Variants in SIK3 observed in about 807,000 individuals in gnomAD.
SIK3 encodes the protein SIK family kinase 3, also known as serine/threonine-protein kinase SIK3.
SIK3 carries 28 observed loss-of-function variants against 144.2 expected under a neutral mutation model. That is an observed-to-expected ratio of 0.19 (90% CI 0.14 to 0.27). The LOEUF (loss-of-function observed/expected upper bound fraction) is 0.27, where lower values mean the gene tolerates loss of function less well. Ranked by LOEUF, SIK3 falls within the 10% of genes least tolerant of loss-of-function variation. The pLI is 1.00. For missense variants in SIK3, 1,319 were observed against 1,776.0 expected (o/e 0.74, Z 4.62); for synonymous variants, 686 against 676.3 (o/e 1.01, Z -0.22).
At chr11:117,069,742 G>T (rs998238544) in intron 1 of SIK3, among the ~76,000 whole-genome samples, 8 of 151,956 alleles carry the variant, frequency 5.3e-5, no homozygotes, top group African/African-American at 1.9e-4. Flanking sequence ...ATTGAAGTTT[G>T]CCATTACCTC....
chr11:117,017,630 A>G (rs1470733566), intron 1 of SIK3, among the ~76,000 whole-genome samples: 3 of 152,066 alleles, frequency 2.0e-5, no homozygotes, highest in South Asian at 2.1e-4. Context: ...AAAGTCATTT[A>G]CTCCTGATTA....
At chr11:117,001,866 G>A (rs779860457) in intron 1 of SIK3, among the ~76,000 whole-genome samples, 22 of 152,128 alleles carry the variant, frequency 1.4e-4, no homozygotes, top group Non-Finnish European at 4.4e-5. Context: ...ATTGTCACAT[G>A]AATTAACAAA....
At chr11:116,931,616 G>C (rs1947606410) in intron 3 of SIK3, among the ~76,000 whole-genome samples, 1 of 152,158 alleles carries the variant, frequency 6.6e-6, no homozygotes, top group African/African-American at 2.4e-5. Context: ...GCCTAGAAAA[G>C]GGAAAAGGCA....
intron 6 of SIK3, among the ~76,000 whole-genome samples, chr11:116,881,792 A>T (rs2134620606): frequency 6.6e-6 from 1 of 152,328 alleles, no homozygotes; most frequent in Non-Finnish European, 1.5e-5. Context: ...CATTACTAAC[A>T]TTTATTGACC....
At chr11:116,869,399 T>C (rs1184302459) in intron 14 of SIK3, 4 of 152,212 alleles carry the variant, frequency 2.6e-5, no homozygotes, top group Non-Finnish European at 1.5e-5. Context: ...TTCTTAACTA[T>C]CTTGCCCCTT....
intron 1 of SIK3, among the ~76,000 whole-genome samples, chr11:117,092,806 G>T (rs908088623): frequency 6.6e-6 from 1 of 152,104 alleles, no homozygotes; most frequent in Non-Finnish European, 1.5e-5. Context: ...TTTACGCGAT[G>T]AACTAGAAAA....
intron 1 of SIK3, among the ~76,000 whole-genome samples, chr11:117,064,973 C>T (rs977438003): frequency 2.3e-4 from 35 of 152,012 alleles, no homozygotes; most frequent in African/African-American, 8.5e-4. Flanking sequence ...CATGGTGAAA[C>T]CCCATCTCCA....
chr11:116,973,744 G>A (rs1179167091), intron 1 of SIK3, among the ~76,000 whole-genome samples: 1 of 152,104 alleles, frequency 6.6e-6, no homozygotes, highest in East Asian at 1.9e-4. Context: ...GCTTTACCTT[G>A]GTTATCTTAC....
At chr11:116,875,092 G>A (rs1944176966) in intron 11 of SIK3, 66 bp downstream of exon 11, 1 of 1,253,510 alleles carries the variant, frequency 8.0e-7, no homozygotes, top group Non-Finnish European at 1.2e-6. Flanking sequence ...TGCCATGGTA[G>A]ACACTGAAAG....
chr11:116,849,088 C>A lies in SIK3; in HGVS notation c.3819+32G>T, dbSNP rs1453756805. ...GTTTCAAGGCTGGGACTGGGAGGAT[C>A]CACCTCTGTGCAGCAGGTGGGACCA... On this transcript the variant is annotated intron_variant, in intron 22 of 24. Transcript: ENST00000445177. The surrounding 1 kb of genome is among the most constrained non-coding windows in gnomAD (Gnocchi z 4.2). 6.4e-7 allele frequency: 1 copy of A among 1,551,884 alleles called. No individual in the cohort carries two copies. The highest frequency in any genetic ancestry group is 8.7e-7 in the Non-Finnish European group (1 of 1,144,436).
intron 3 of SIK3, among the ~76,000 whole-genome samples, chr11:116,949,193 T>C (rs1473347617): frequency 1.3e-5 from 2 of 152,142 alleles, no homozygotes; most frequent in Admixed American, 1.3e-4. Context: ...TACAGGCGCA[T>C]GCCACCATGC....
intron 1 of SIK3, among the ~76,000 whole-genome samples, chr11:117,018,006 T>C (rs911119086): frequency 6.6e-6 from 1 of 152,180 alleles, no homozygotes; most frequent in Non-Finnish European, 1.5e-5. Context: ...GCTTTTCATT[T>C]AGGATTTGGA....
chr11:116,925,076 T>C (rs1001954413), intron 4 of SIK3, among the ~76,000 whole-genome samples: 1 of 150,856 alleles, frequency 6.6e-6, no homozygotes, highest in African/African-American at 2.4e-5. Flanking sequence ...AGACCAGGAG[T>C]TCGAGACCAG....
chr11:116,877,502 A>T (rs1944314573), intron 6 of SIK3, among the ~76,000 whole-genome samples: 1 of 152,216 alleles, frequency 6.6e-6, no homozygotes, highest in Non-Finnish European at 1.5e-5. Flanking sequence ...TTCAAAACTC[A>T]GGGAACTTGA....
At chr11:117,017,161 G>A (rs1046510988) in intron 1 of SIK3, among the ~76,000 whole-genome samples, 6 of 152,230 alleles carry the variant, frequency 3.9e-5, no homozygotes, top group Non-Finnish European at 7.3e-5. Context: ...GAAGGCTGAG[G>A]TGGGAGAATC....
At chr11:116,943,039 GTGAT>G (rs1169454098) in intron 3 of SIK3, among the ~76,000 whole-genome samples, 2 of 152,154 alleles carry the variant, frequency 1.3e-5, no homozygotes, top group African/African-American at 4.8e-5. Context: ...GTGGTGATAA[GTGAT>G]TGAATTCAGC....
At chr11:116,961,282 A>G (rs1433137783) in intron 1 of SIK3, among the ~76,000 whole-genome samples, 1 of 152,212 alleles carries the variant, frequency 6.6e-6, no homozygotes, top group Non-Finnish European at 1.5e-5. Flanking sequence ...CTTAACAGGG[A>G]AAGGAACTCA....
chr11:116,922,907 C>CTCTCTTTTTTT (rs1565456056), intron 4 of SIK3, among the ~76,000 whole-genome samples: 1 of 102,174 alleles, frequency 9.8e-6, no homozygotes, highest in African/African-American at 3.5e-5. Flanking sequence ...TTTCTTTTCT[C>CTCTCTTTTTTT]TTTTTTTTTT....
At chr11:116,885,838 C>T (rs752913634) in intron 6 of SIK3, among the ~76,000 whole-genome samples, 41 of 152,190 alleles carry the variant, frequency 2.7e-4, no homozygotes, top group African/African-American at 9.9e-4. Context: ...TGTTACTTAA[C>T]CTTATCATGC....
Sources: allele counts gnomAD v4.1 joint callset (sites outside exome capture counted in the v4.1 genomes callset), GRCh38; gene constraint gnomAD v4.1.1; non-coding constraint Gnocchi (gnomAD v3.1); transcripts MANE v1.5; gene names NCBI Gene and HGNC (gene_info 2026-07-23, HGNC 2026-07-21).